Variants in SUPT3H observed in about 807,000 individuals in gnomAD.
SUPT3H encodes SPT3 homolog, SAGA and STAGA complex component, also known as transcription initiation protein SPT3 homolog.
Under a neutral mutation model 44.3 loss-of-function variants are expected in SUPT3H, and 44 were observed. That is an observed-to-expected ratio of 0.99 (90% CI 0.78 to 1.28). The LOEUF is 1.28. SUPT3H is among the 50% of genes most tolerant of loss of function. The probability of loss-of-function intolerance (pLI) is 0.00; values close to 1 mark genes in which losing one functional copy is unlikely to be tolerated. For missense variants in SUPT3H, 380 were observed against 387.1 expected, an observed-to-expected ratio of 0.98 and a Z score of 0.15; for synonymous variants, 124 against 125.6, an observed-to-expected ratio of 0.99 and a Z score of 0.09.
intron 2 of SUPT3H, among the ~76,000 whole-genome samples, chr6:45,249,577 T>C (rs1772000692): frequency 6.6e-6 from 1 of 152,148 alleles, no homozygotes; most frequent in African/African-American, 2.4e-5. Flanking sequence ...ATCAAGAAGC[T>C]GTATGCCACA....
At position 45,121,385 on chromosome 6, in the gene SUPT3H, A is replaced by C. The variant is rs189947629; in HGVS notation, c.102-15379T>G. Reference sequence around the variant, plus strand: ...GACCAGAGGTTTCCAGGATTCAAACAAATGTAAACAATTTGACTTCCTGAG... The same window carrying C: ...GACCAGAGGTTTCCAGGATTCAAACCAATGTAAACAATTTGACTTCCTGAG... On this transcript the variant is annotated intron_variant, in intron 2 of 10. Transcript: ENST00000371459. 1.3e-3 allele frequency among the ~76,000 whole-genome samples: 193 copies of C among 152,326 alleles called. 2 individuals are homozygous for C. The Middle Eastern group carries it at 0.024, about 19-fold the overall frequency.
Position 44,962,372 on chromosome 6 carries a change from T to C in SUPT3H, c.505-544A>G, listed in dbSNP as rs1045820337. On this transcript the variant is annotated intron_variant, in intron 6 of 10. Coordinates refer to ENST00000371459, the MANE Select transcript of SUPT3H (RefSeq NM_003599.4). ...TATGATTCATTTGGTATAGTTTCAT[T>C]TGTGGAGTTTTTGATTCAGTATAGC... Among the ~76,000 whole-genome samples, 69 of 152,184 alleles carry C rather than the reference T, an allele frequency of 4.5e-4. 1 individual carries two copies. The highest frequency in any genetic ancestry group is 1.3e-4 in the Non-Finnish European group (9 of 68,030).
chr6:45,203,779 C>T (rs1762775634), intron 2 of SUPT3H, among the ~76,000 whole-genome samples: 1 of 152,160 alleles, frequency 6.6e-6, no homozygotes, highest in African/African-American at 2.4e-5. Context: ...TATTTGTGCA[C>T]TTTCTCTCTC....
chr6:45,036,956 A>G (rs1225435080), intron 3 of SUPT3H, among the ~76,000 whole-genome samples: 1 of 152,152 alleles, frequency 6.6e-6, no homozygotes, highest in Non-Finnish European at 1.5e-5. Context: ...CAAAGCAAGC[A>G]GACAGAAGAA....
intron 11 of SUPT3H, among the ~76,000 whole-genome samples, chr6:44,813,705 A>T (rs1766707866): frequency 1.3e-5 from 2 of 151,964 alleles, no homozygotes; most frequent in Admixed American, 1.3e-4. Flanking sequence ...AATTAAAAAA[A>T]TAAAAAAAAT....
At chr6:44,923,577 T>C (rs1361325766) in intron 10 of SUPT3H, among the ~76,000 whole-genome samples, 1 of 152,126 alleles carries the variant, frequency 6.6e-6, no homozygotes, top group South Asian at 2.1e-4. Flanking sequence ...TGTCCTGTGC[T>C]GAACTAAATT....
At chr6:45,279,823 A>C (rs190869163) in intron 2 of SUPT3H, among the ~76,000 whole-genome samples, 23 of 152,326 alleles carry the variant, frequency 1.5e-4, no homozygotes, top group Admixed American at 3.9e-4. Flanking sequence ...CGGTCCAGAA[A>C]TCTCTCCAGA....
At chr6:45,197,439 T>C (rs1032872966) in intron 2 of SUPT3H, among the ~76,000 whole-genome samples, 1 of 151,558 alleles carries the variant, frequency 6.6e-6, no homozygotes, top group African/African-American at 2.4e-5. Flanking sequence ...ACATACATTG[T>C]TACTAAGTGC....
chr6:45,086,626 C>T (rs963468576), intron 3 of SUPT3H, among the ~76,000 whole-genome samples: 2 of 151,866 alleles, frequency 1.3e-5, no homozygotes, highest in Admixed American at 1.3e-4. Context: ...TTTAAAAACT[C>T]CCTCCAGCAA....
At chr6:45,167,002 C>A (rs1310227705) in intron 2 of SUPT3H, among the ~76,000 whole-genome samples, 1 of 152,160 alleles carries the variant, frequency 6.6e-6, no homozygotes, top group East Asian at 1.9e-4. Context: ...CATGACCAAG[C>A]AATTCCAATT....
At chr6:45,355,984 A>C (rs1379463555) in intron 2 of SUPT3H, among the ~76,000 whole-genome samples, 1 of 152,210 alleles carries the variant, frequency 6.6e-6, no homozygotes, top group African/African-American at 2.4e-5. Context: ...TGAAAGGCTA[A>C]TAGAACTCTA....
intron 2 of SUPT3H, among the ~76,000 whole-genome samples, chr6:45,142,411 T>C (rs977547506): frequency 4.0e-5 from 6 of 151,864 alleles, no homozygotes; most frequent in East Asian, 1.9e-4. Context: ...AATACTAACA[T>C]TGAATATAAA....
chr6:45,091,544 A>G (rs1342903218), intron 3 of SUPT3H, among the ~76,000 whole-genome samples: 3 of 152,142 alleles, frequency 2.0e-5, no homozygotes, highest in African/African-American at 4.8e-5. Context: ...TGAATTCCCT[A>G]TCTACTACTT....
At chr6:45,181,532 A>G (rs990716594) in intron 2 of SUPT3H, among the ~76,000 whole-genome samples, 4 of 151,912 alleles carry the variant, frequency 2.6e-5, no homozygotes, top group Non-Finnish European at 4.4e-5. Flanking sequence ...AATACTATGC[A>G]GCCATAAAAA....
At chr6:44,905,734 G>A (rs576262155) in intron 10 of SUPT3H, among the ~76,000 whole-genome samples, 5 of 152,190 alleles carry the variant, frequency 3.3e-5, no homozygotes, top group African/African-American at 4.8e-5. Flanking sequence ...TGTTTATTGC[G>A]GCACTATTCA....
chr6:44,822,850 G>T (rs1767437027), downstream of SUPT3H, among the ~76,000 whole-genome samples: 1 of 152,018 alleles, frequency 6.6e-6, no homozygotes, highest in African/African-American at 2.4e-5. Flanking sequence ...GGGCACGGTG[G>T]CTCACACCTG....
intron 3 of SUPT3H, among the ~76,000 whole-genome samples, chr6:45,044,144 G>T (rs73444952): frequency 6.6e-6 from 1 of 152,292 alleles, no homozygotes; most frequent in African/African-American, 2.4e-5. Flanking sequence ...GCAGTGCAGT[G>T]TTAATGCTAA....
At chr6:45,140,616 A>G (rs1178139909) in intron 2 of SUPT3H, among the ~76,000 whole-genome samples, 1 of 152,176 alleles carries the variant, frequency 6.6e-6, no homozygotes, top group Non-Finnish European at 1.5e-5. Flanking sequence ...TGCACTAAAC[A>G]TATCTATAAC....
At chr6:44,868,943 T>G (rs889956604) in intron 10 of SUPT3H, among the ~76,000 whole-genome samples, 3 of 152,248 alleles carry the variant, frequency 2.0e-5, no homozygotes, top group African/African-American at 7.2e-5. Flanking sequence ...TACTGCCTAC[T>G]GCTGACCCTG....
Sources: allele counts gnomAD v4.1 joint callset (sites outside exome capture counted in the v4.1 genomes callset), GRCh38; gene constraint gnomAD v4.1.1; transcripts MANE v1.5; gene names NCBI Gene and HGNC (gene_info 2026-07-23, HGNC 2026-07-21).